Variants in SNX29 observed in about 807,000 individuals in gnomAD.
The protein encoded by SNX29 is sorting nexin 29.
Under a neutral mutation model 102.1 loss-of-function variants are expected in SNX29, and 78 were observed. The ratio of observed to expected loss-of-function variants is 0.76; its 90% CI spans 0.64 to 0.92. The LOEUF (loss-of-function observed/expected upper bound fraction) is 0.92, where lower values mean the gene tolerates loss of function less well. SNX29 is among the 40% of genes least tolerant of loss of function. The pLI, the probability that SNX29 is intolerant of heterozygous loss-of-function variation, is 0.00. For synonymous variants in SNX29, 580 were observed against 414.5 expected (o/e 1.40, Z -4.85); for missense variants, 1,280 against 1,061.7 (o/e 1.21, Z -2.86).
At chr16:12,403,797 G>A (rs1407244060) in intron 18 of SNX29, among the ~76,000 whole-genome samples, 2 of 152,312 alleles carry the variant, frequency 1.3e-5, no homozygotes, top group East Asian at 3.9e-4. Context: ...GAGCAGAAAC[G>A]GAGATGTGTG....
chr16:12,187,541 C>CT (rs2076541004), intron 13 of SNX29, among the ~76,000 whole-genome samples: 1 of 149,968 alleles, frequency 6.7e-6, no homozygotes, highest in Non-Finnish European at 1.5e-5. Flanking sequence ...GAGTGAGACT[C>CT]TGTTTAAAAA....
chr16:12,553,723 G>T (rs551074101), intron 20 of SNX29, among the ~76,000 whole-genome samples: 117 of 151,654 alleles, frequency 7.7e-4, no homozygotes, highest in African/African-American at 2.7e-3. Context: ...ACGCAGCTGG[G>T]ATTATATGCA....
chr16:12,228,465 C>G (rs562136883), intron 14 of SNX29, among the ~76,000 whole-genome samples: 2 of 152,176 alleles, frequency 1.3e-5, no homozygotes, highest in Non-Finnish European at 2.9e-5. Context: ...CCTGCTCTCT[C>G]TGCCTCTGCT....
At chr16:12,527,023 C>T in intron 20 of SNX29, 1 of 399,928 alleles carries the variant, frequency 2.5e-6, no homozygotes, top group Non-Finnish European at 4.8e-6. Context: ...GAGACTGTGG[C>T]AAATGACACA....
chr16:12,174,950 A>T (rs1455033187), intron 13 of SNX29, among the ~76,000 whole-genome samples: 2 of 152,032 alleles, frequency 1.3e-5, no homozygotes, highest in East Asian at 1.9e-4. Context: ...ACAACCAATT[A>T]TCTTGTCCCT....
At chr16:11,987,586 G>A (rs972874449) in intron 1 of SNX29, among the ~76,000 whole-genome samples, 3 of 152,012 alleles carry the variant, frequency 2.0e-5, no homozygotes, top group African/African-American at 7.3e-5. Flanking sequence ...TAGTAAAGAC[G>A]GGGTTTCACC....
intron 14 of SNX29, among the ~76,000 whole-genome samples, chr16:12,207,208 A>C (rs923679074): frequency 1.3e-5 from 2 of 152,018 alleles, no homozygotes; most frequent in Non-Finnish European, 2.9e-5. Flanking sequence ...ATCTCTACTA[A>C]AAATACAAAA....
chr16:12,069,282 T>C lies in SNX29; in HGVS notation c.1319+150T>C, dbSNP rs1317920979. The C allele has an allele frequency of 1.6e-5, 11 of 683,234 alleles. No individual in the cohort carries two copies. The Admixed American group carries it at 3.5e-4, about 22-fold the overall frequency. The allele number at this position is 683,234 out of a possible 1,614,324, so 42.3% of individuals were successfully genotyped here. A position where few individuals can be genotyped will look rare whatever the true frequency, so the allele number is the denominator to read the frequency against. On this transcript the variant is annotated intron_variant, in intron 10 of 20. Coordinates refer to ENST00000566228, the MANE Select transcript of SNX29 (RefSeq NM_032167.5). ...TTATGTTCAGATTTAGTCTTTTTTT[T>C]TGAGATGGAGCCCGGTTCTGTTGCC...
At chr16:12,284,516 G>C (rs1478735487) in intron 15 of SNX29, among the ~76,000 whole-genome samples, 2 of 152,192 alleles carry the variant, frequency 1.3e-5, no homozygotes, top group Non-Finnish European at 2.9e-5. Flanking sequence ...CCCTGGTTTT[G>C]GTTCAGGGCT....
chr16:12,232,553 T>C (rs2077801595), intron 14 of SNX29, among the ~76,000 whole-genome samples: 1 of 152,190 alleles, frequency 6.6e-6, no homozygotes, highest in East Asian at 1.9e-4. Context: ...ATCGTGGCTT[T>C]TGTTTGCTTT....
rs1266343018 is a variant in SNX29, at chr16:12,537,959, TG to T, written c.2318+13121del. ...GAGATCGTGCCACTGCACTCCAGCC[TG>T]GGCAATAGAGCAAAACTCCGTTTCA... On this transcript the variant is annotated intron_variant, in intron 20 of 20. Transcript: ENST00000566228. 2.8e-5 allele frequency among the ~76,000 whole-genome samples: 4 copies of T among 140,978 alleles called. No homozygotes were observed. The East Asian group carries it at 8.3e-4, about 29-fold the overall frequency. The allele number at this position is 140,978 out of a possible 152,430, so 92.5% of individuals were successfully genotyped here.
At chr16:12,530,306 A>G (rs1456473241) in intron 20 of SNX29, among the ~76,000 whole-genome samples, 1 of 152,182 alleles carries the variant, frequency 6.6e-6, no homozygotes, top group Non-Finnish European at 1.5e-5. Flanking sequence ...GTTTGTACCA[A>G]CAGACAGGGA....
At chr16:12,278,717 A>G (rs2079335529) in intron 15 of SNX29, among the ~76,000 whole-genome samples, 1 of 152,234 alleles carries the variant, frequency 6.6e-6, no homozygotes, top group African/African-American at 2.4e-5. Flanking sequence ...AAAGAAAACT[A>G]TCAAATAGAA....
At chr16:12,046,533 A>G (rs1043960478) in intron 6 of SNX29, 79 bp downstream of exon 6, 19 of 1,375,244 alleles carry the variant, frequency 1.4e-5, no homozygotes, top group African/African-American at 4.3e-5. Context: ...CCACAGCGCC[A>G]TGGAGTGTTG....
At chr16:12,273,012 T>C (rs1202217267) in intron 14 of SNX29, among the ~76,000 whole-genome samples, 2 of 152,244 alleles carry the variant, frequency 1.3e-5, no homozygotes. Context: ...TTATTATAAC[T>C]GGAAATGCTA....
At chr16:12,079,002 T>A in intron 11 of SNX29, 87 bp downstream of exon 11, 1 of 1,183,688 alleles carries the variant, frequency 8.4e-7, no homozygotes, top group Non-Finnish European at 1.2e-6. Flanking sequence ...TCTAACCCTG[T>A]GACTGTGGGT....
At chr16:12,228,119 A>G (rs2077667851) in intron 14 of SNX29, among the ~76,000 whole-genome samples, 1 of 152,126 alleles carries the variant, frequency 6.6e-6, no homozygotes. Context: ...AGGAAAAGAA[A>G]AGGAGAATGT....
chr16:12,125,605 C>CTTTTTTTTT (rs36212472), intron 11 of SNX29, among the ~76,000 whole-genome samples: 3 of 45,452 alleles, frequency 6.6e-5, no homozygotes, highest in African/African-American at 9.2e-5. Context: ...TGAGATCTCT[C>CTTTTTTTTT]TTTTTTTTTT....
chr16:12,477,986 A>C, intron 19 of SNX29, 127 bp downstream of exon 19: 1 of 1,138,210 alleles, frequency 8.8e-7, no homozygotes, highest in East Asian at 2.7e-5. Context: ...GATAAGAAAA[A>C]AATAGAGAAA....
Sources: gnomAD v4.1 joint callset for allele counts (sites outside exome capture counted in the v4.1 genomes callset) on GRCh38, gnomAD v4.1.1 for gene constraint, MANE v1.5 for transcripts, NCBI Gene and HGNC (gene_info 2026-07-23, HGNC 2026-07-21) for gene names.